The following ATP2C2 variants were observed in gnomAD, a reference collection of about 807,000 sequenced individuals.
The protein encoded by ATP2C2 is ATPase secretory pathway Ca2+ transporting 2, also known as calcium-transporting ATPase type 2C member 2.
In ATP2C2, 171 loss-of-function variants were observed where a neutral mutation model predicts 110.8. The ratio of observed to expected loss-of-function variants is 1.54; its 90% CI spans 1.36 to 1.75. ATP2C2 has a LOEUF of 1.75. ATP2C2 is among the 40% of genes most tolerant of loss of function. ATP2C2 has a pLI of 0.00. For synonymous variants in ATP2C2, 804 were observed against 508.4 expected (o/e 1.58, Z -7.82); for missense variants, 1,963 against 1,235.0 (o/e 1.59, Z -8.84).
At chr16:84,385,408 G>A (rs959238) in intron 1 of ATP2C2, among the ~76,000 whole-genome samples, 2 of 152,012 alleles carry the variant, frequency 1.3e-5, no homozygotes, top group Admixed American at 1.3e-4. Context: ...TTAGAGAATA[G>A]AATTGGACAT....
chr16:84,424,690 C>A (rs1192581491), intron 10 of ATP2C2, among the ~76,000 whole-genome samples: 3 of 151,178 alleles, frequency 2.0e-5, no homozygotes, highest in South Asian at 2.1e-4. Flanking sequence ...TGCAGGGAAG[C>A]AACACCATGC....
At chr16:84,459,803 C>T in intron 23 of ATP2C2, 1 of 514,650 alleles carries the variant, frequency 1.9e-6, no homozygotes, top group Non-Finnish European at 3.5e-6. Context: ...TGATTGTGAT[C>T]TGTCTCCCCT....
intron 1 of ATP2C2, among the ~76,000 whole-genome samples, chr16:84,370,915 C>T (rs772373892): frequency 1.3e-5 from 2 of 152,130 alleles, no homozygotes; most frequent in Non-Finnish European, 2.9e-5. Flanking sequence ...ATTTTACTCT[C>T]GTCATGTGAT....
intron 7 of ATP2C2, among the ~76,000 whole-genome samples, chr16:84,417,652 G>A (rs1260549006): frequency 6.6e-6 from 1 of 152,178 alleles, no homozygotes; most frequent in Non-Finnish European, 1.5e-5. Flanking sequence ...AATACTTTGG[G>A]CAGCCAAGGC....
chr16:84,408,672 G>A (rs1365414130), intron 4 of ATP2C2, among the ~76,000 whole-genome samples, 178 bp downstream of exon 4: 1 of 152,064 alleles, frequency 6.6e-6, no homozygotes, highest in Admixed American at 6.5e-5. Context: ...AAGGTGCCCT[G>A]GTTTATTCGG....
intron 17 of ATP2C2, among the ~76,000 whole-genome samples, chr16:84,449,286 T>C (rs72806634): frequency 0.15 from 22,740 of 152,236 alleles, 2,113 homozygotes; most frequent in Non-Finnish European, 0.21. Flanking sequence ...AGTTTGTAGG[T>C]TGCTGGCAGG....
chr16:84,456,265 T>C (rs1300356151), intron 21 of ATP2C2, among the ~76,000 whole-genome samples: 1 of 147,928 alleles, frequency 6.8e-6, no homozygotes, highest in Admixed American at 6.8e-5. Flanking sequence ...TCCTGGACTC[T>C]TTTTGGTTGG....
Position 84,459,200 on chromosome 16 carries a change from C to G in ATP2C2, c.2216+12C>G. ...TTCCAGCTGAGCACGTAAGTAGAGG[C>G]CAGCATTCCGAGTGTCATTAAGCAC... On this transcript the variant is annotated intron_variant, in intron 22 of 26. Transcript: ENST00000262429. 6.2e-7 allele frequency: 1 copy of G among 1,614,242 alleles called. No homozygotes were observed. Among genetic ancestry groups the G allele is most frequent in the Non-Finnish European group, 8.5e-7 (1 of 1,180,046 alleles).
intron 11 of ATP2C2, chr16:84,426,104 T>C: frequency 2.7e-6 from 1 of 364,176 alleles, no homozygotes; most frequent in South Asian, 3.1e-5. Context: ...AATAGTTTAA[T>C]TGGCCTATGG....
Position 84,422,510 on chromosome 16 carries a change from G to A in ATP2C2, c.745G>A (p.Gly249Arg). ...LTTLSNIVFM[G>R]TLVQYGRGQG... is the part of the protein sequence containing the mutation. ...CACCCTCAGCAACATCGTCTTCATG[G>A]GGACCCTGGTGCAGTATGGGAGGGG... Residue 249 changes from glycine (G) to arginine (R), a missense_variant, in exon 8 of 27, where the codon GGG becomes AGG. Coordinates refer to ENST00000262429, the MANE Select transcript of ATP2C2 (RefSeq NM_014861.4). 1 of 1,614,094 alleles carries A rather than the reference G, an allele frequency of 6.2e-7. No homozygotes were observed. Among genetic ancestry groups the A allele is most frequent in the Non-Finnish European group, 8.5e-7 (1 of 1,180,020 alleles).
chr16:84,459,678 C>G (rs967909196), intron 23 of ATP2C2: 34 of 1,205,764 alleles, frequency 2.8e-5, no homozygotes, highest in Non-Finnish European at 3.0e-5. Context: ...ATTCCAGTCA[C>G]CAGTCACTGC....
At chr16:84,452,623 T>A (rs1161278413) in intron 18 of ATP2C2, among the ~76,000 whole-genome samples, 1 of 150,676 alleles carries the variant, frequency 6.6e-6, no homozygotes, top group African/African-American at 2.4e-5. Context: ...CTCAGCCTCC[T>A]GAGTAGCTGG....
intron 7 of ATP2C2, among the ~76,000 whole-genome samples, chr16:84,419,091 C>T (rs971435715): frequency 1.9e-4 from 29 of 151,646 alleles, no homozygotes; most frequent in African/African-American, 5.1e-4. Flanking sequence ...CACCTGTAGT[C>T]CCAGCTACTC....
chr16:84,439,029 T>A, intron 11 of ATP2C2, 137 bp from the exon 12 acceptor site: 2 of 1,314,820 alleles, frequency 1.5e-6, no homozygotes, highest in East Asian at 4.8e-5. Context: ...CACCTTAGGA[T>A]TGGGAATGGA....
chr16:84,387,118 G>C (rs996594901), intron 1 of ATP2C2, among the ~76,000 whole-genome samples: 6 of 143,290 alleles, frequency 4.2e-5, no homozygotes, highest in Non-Finnish European at 6.2e-5. Context: ...CGCGCTCTGA[G>C]AACCTGAGAC....
At chr16:84,388,083 G>C (rs1904422817) in intron 1 of ATP2C2, among the ~76,000 whole-genome samples, 1 of 152,176 alleles carries the variant, frequency 6.6e-6, no homozygotes, top group South Asian at 2.1e-4. Flanking sequence ...TGTCATCCCA[G>C]CACTTTGGGA....
At position 84,459,778 on chromosome 16, in the gene ATP2C2, T is replaced by G. The variant is rs190945411; in HGVS notation, c.2333+392T>G. 69 of 564,860 alleles carry G rather than the reference T, an allele frequency of 1.2e-4. No individual in the cohort carries two copies. The Admixed American group carries it at 1.6e-3, about 13-fold the overall frequency. 35.0% of individuals were successfully genotyped at this position (564,860 alleles called of 1,614,324 possible). On this transcript the variant is annotated intron_variant, in intron 23 of 26. Transcript: ENST00000262429. ...GAGAGGAAGATACACACAGACACAC[T>G]TTTCCTTATGGATCTGATTGTGATC...
chr16:84,447,921 A>C (rs968173162), intron 16 of ATP2C2, among the ~76,000 whole-genome samples: 10 of 151,084 alleles, frequency 6.6e-5, no homozygotes, highest in Admixed American at 2.0e-4. Context: ...TTATCTTATA[A>C]CAGTGTTACA....
rs1436960693 is a variant in ATP2C2, at chr16:84,398,536, A to G, written c.137A>G (p.Glu46Gly). The G allele has an allele frequency of 6.2e-7, 1 of 1,613,156 alleles. No individual in the cohort carries two copies. The highest frequency in any genetic ancestry group is 1.3e-5 in the African/African-American group (1 of 74,832). Residue 46 changes from glutamate (E) to glycine (G), a missense_variant, in exon 2 of 27, where the codon GAG (glutamate) becomes GGG (glycine). Glu to Gly is a moderately conservative substitution (Grantham distance 98). Coordinates refer to ENST00000262429, the MANE Select transcript of ATP2C2 (RefSeq NM_014861.4). ...AGTGAGCTGAAAGCCATCGAGAAAGAGAAGAAGGTGACAGCCCTGCCCCCC... is the reference window on the plus strand; with the variant it reads ...AGTGAGCTGAAAGCCATCGAGAAAGGGAAGAAGGTGACAGCCCTGCCCCCC... ...EQSELKAIEK[E>G]KKVTALPPKE...
Sources: gnomAD v4.1 joint callset for allele counts (sites outside exome capture counted in the v4.1 genomes callset) on GRCh38, gnomAD v4.1.1 for gene constraint, MANE v1.5 for transcripts, NCBI Gene and HGNC (gene_info 2026-07-23, HGNC 2026-07-21) for gene names.